Variants in NUP98 observed in about 807,000 individuals in gnomAD.
NUP98 encodes the protein nucleoporin 98 and 96 precursor.
Under a neutral mutation model 191.9 loss-of-function variants are expected in NUP98, and 26 were observed. The observed-to-expected ratio is 0.14, with a 90% CI of 0.10 to 0.19. The LOEUF (loss-of-function observed/expected upper bound fraction) is 0.19. Ranked by LOEUF, NUP98 falls within the 10% of genes least tolerant of loss-of-function variation. NUP98 has a pLI of 1.00. For missense variants in NUP98, 1,941 were observed against 2,178.8 expected, an observed-to-expected ratio of 0.89 and a Z score of 2.17; for synonymous variants, 808 against 778.4, an observed-to-expected ratio of 1.04 and a Z score of -0.63.
At chr11:3,771,723 A>C in intron 7 of NUP98, 25 bp downstream of exon 7, 8 of 1,606,040 alleles carry the variant, frequency 5.0e-6, no homozygotes, top group Non-Finnish European at 6.0e-6. Context: ...CCTCAGTATA[A>C]TCTAACATGA....
chr11:3,699,496 A>T lies in NUP98; in HGVS notation c.3743-148T>A. ...AGCTGATTACCCTGAATCTGTCTCT[A>T]CCTCACTCAACTTCGTCTTACAATT... On this transcript the variant is annotated intron_variant, in intron 24 of 32. Transcript: ENST00000324932. The T allele has an allele frequency of 6.3e-6, 5 of 799,602 alleles. No homozygotes were observed. The South Asian group carries it at 7.3e-5, about 12-fold the overall frequency. The allele number at this position is 799,602 out of a possible 1,614,324, so 49.5% of individuals were successfully genotyped here.
intron 19 of NUP98, among the ~76,000 whole-genome samples, chr11:3,713,565 A>G (rs1008943187): frequency 6.6e-6 from 1 of 152,146 alleles, no homozygotes; most frequent in African/African-American, 2.4e-5. Flanking sequence ...CAAACATTTT[A>G]AAAAGTAGCC....
At chr11:3,781,973 TC>T (rs2081984817) in intron 2 of NUP98, 68 bp downstream of exon 2, 1 of 1,002,708 alleles carries the variant, frequency 1.0e-6, no homozygotes, top group Non-Finnish European at 1.5e-6. Flanking sequence ...CTAAAGCTTA[TC>T]AGAGTGGATT....
chr11:3,731,994 A>T (rs1229270861), intron 13 of NUP98, among the ~76,000 whole-genome samples: 1 of 152,118 alleles, frequency 6.6e-6, no homozygotes, highest in Non-Finnish European at 1.5e-5. Flanking sequence ...ATACTAACCG[A>T]ACTGTCTTTA....
intron 10 of NUP98, among the ~76,000 whole-genome samples, chr11:3,754,101 G>C (rs551940312): frequency 3.9e-5 from 6 of 152,192 alleles, no homozygotes; most frequent in African/African-American, 1.4e-4. Context: ...TTATTTAGAA[G>C]AGAAATTAAT....
At chr11:3,784,673 T>C (rs1192777918) in intron 1 of NUP98, among the ~76,000 whole-genome samples, 2 of 151,892 alleles carry the variant, frequency 1.3e-5, no homozygotes, top group African/African-American at 4.8e-5. Context: ...AGAATCACTT[T>C]AGCCCAGGAG....
chr11:3,762,918 A>C lies in NUP98; in HGVS notation c.1070T>G (p.Phe357Cys). ...GAAACCTACCGAACCAACAGCACCA[A>C]ATCCAGTATTGGTCTGCCCAAAGAG... ...TGLFGQTNTGFGAVGSTLFGN... is the reference protein window; with the variant it reads ...TGLFGQTNTGCGAVGSTLFGN... The change falls in exon 9 of 33, where the codon TTT becomes TGT. Residue 357 changes from phenylalanine to cysteine, a missense_variant. Phe to Cys is a radical substitution (Grantham distance 205, BLOSUM62 -2). This residue lies in a region of NUP98 where 181 missense variants were observed against 228.0 expected (regional missense o/e 0.79). Transcript: ENST00000324932. The C allele has an allele frequency of 3.7e-6, 6 of 1,614,026 alleles. No homozygotes were observed. The highest frequency in any genetic ancestry group is 5.1e-6 in the Non-Finnish European group (6 of 1,179,982).
intron 5 of NUP98, among the ~76,000 whole-genome samples, chr11:3,775,034 C>T (rs1454419020): frequency 6.6e-6 from 1 of 152,184 alleles, no homozygotes; most frequent in East Asian, 1.9e-4. Flanking sequence ...CAAACATTTA[C>T]ATCAAGTGGC....
intron 10 of NUP98, among the ~76,000 whole-genome samples, chr11:3,756,642 G>C (rs1251740091): frequency 6.6e-6 from 1 of 151,320 alleles, no homozygotes; most frequent in Admixed American, 6.6e-5. Flanking sequence ...AGTCTATCTC[G>C]AACTCCTGAC....
intron 20 of NUP98, chr11:3,711,572 T>C (rs2079023555): frequency 6.5e-6 from 1 of 153,830 alleles, no homozygotes; most frequent in East Asian, 1.7e-4. Flanking sequence ...GAAATACATA[T>C]ATTTATAATA....
intron 20 of NUP98, among the ~76,000 whole-genome samples, chr11:3,706,939 G>C (rs1332326129): frequency 6.6e-6 from 1 of 152,180 alleles, no homozygotes; most frequent in African/African-American, 2.4e-5. Flanking sequence ...TGCTTTACTT[G>C]ATCTAGCTAG....
At position 3,794,947 on chromosome 11, in the gene NUP98, C is replaced by T. The variant is rs572774175; in HGVS notation, c.-29+2453G>A. Among the ~76,000 whole-genome samples the T allele has an allele frequency of 1.1e-3, 174 of 152,288 alleles. 1 individual carries two copies. Among genetic ancestry groups the T allele is most frequent in the South Asian group, 1.4e-3 (7 of 4,832 alleles). On this transcript the variant is annotated intron_variant, in intron 1 of 32. Coordinates refer to ENST00000324932, the MANE Select transcript of NUP98 (RefSeq NM_016320.5). ...CCTTAAATCTCTGAGTTTCTTAGTT[C>T]CCTAACCTTTCAACAAATTACATAA...
chr11:3,716,462 T>C (rs766421461), intron 18 of NUP98, among the ~76,000 whole-genome samples: 1 of 152,114 alleles, frequency 6.6e-6, no homozygotes, highest in Non-Finnish European at 1.5e-5. Context: ...TCCCAACACT[T>C]TGGGAGGCCA....
At chr11:3,706,200 G>A (rs2078854182) in intron 21 of NUP98, among the ~76,000 whole-genome samples, 1 of 151,958 alleles carries the variant, frequency 6.6e-6, no homozygotes, top group Admixed American at 6.6e-5. Flanking sequence ...AATTGGGATT[G>A]GAACTAGGAC....
chr11:3,742,873 GAC>G (rs1314801992), intron 12 of NUP98, among the ~76,000 whole-genome samples: 1 of 152,092 alleles, frequency 6.6e-6, no homozygotes, highest in African/African-American at 2.4e-5. Flanking sequence ...CTCAAAACCT[GAC>G]ACATGTATCA....
Position 3,735,342 on chromosome 11 carries a change from AG to A in NUP98, c.1409-19del. The A allele has an allele frequency of 5.2e-6, 7 of 1,345,534 alleles. No individual in the cohort carries two copies. Among genetic ancestry groups the A allele is most frequent in the Admixed American group, 2.6e-5 (1 of 38,062 alleles). The allele number at this position is 1,345,534 out of a possible 1,614,324, so 83.3% of individuals were successfully genotyped here. A position where few individuals can be genotyped will look rare whatever the true frequency, so the allele number is the denominator to read the frequency against. ...TGTCAAAGCTTTTAAAAAAAAAAAA[AG>A]AAAACAAAATATATATATATATATA... is the stretch of plus-strand genomic sequence containing the variant. On this transcript the variant is annotated intron_variant, in intron 12 of 32. Coordinates refer to ENST00000324932, the MANE Select transcript of NUP98 (RefSeq NM_016320.5).
chr11:3,768,150 G>C (rs761970857), intron 8 of NUP98, among the ~76,000 whole-genome samples: 1 of 152,060 alleles, frequency 6.6e-6, no homozygotes, highest in African/African-American at 2.4e-5. Flanking sequence ...GGCCGGGCAC[G>C]GTGGCTCATG....
At chr11:3,681,696 CTT>C (rs768202599) in intron 30 of NUP98, among the ~76,000 whole-genome samples, 19 of 152,026 alleles carry the variant, frequency 1.2e-4, no homozygotes, top group Non-Finnish European at 2.6e-4. Flanking sequence ...GTCATCCAGG[CTT>C]TGTTTTTCCG....
chr11:3,793,010 C>T (rs577403834), intron 1 of NUP98, among the ~76,000 whole-genome samples: 6 of 152,214 alleles, frequency 3.9e-5, no homozygotes, highest in African/African-American at 1.4e-4. Context: ...ACTCAGGAGG[C>T]TGAGGCAGGA....
Sources: gnomAD v4.1 joint callset for allele counts (sites outside exome capture counted in the v4.1 genomes callset) on GRCh38, gnomAD v4.1.1 for gene constraint, gnomAD v4.1.1 regional missense constraint, MANE v1.5 for transcripts, NCBI Gene and HGNC (gene_info 2026-07-23, HGNC 2026-07-21) for gene names.